The following PPP1R13B variants were observed in gnomAD, a reference collection of about 807,000 sequenced individuals.
PPP1R13B encodes protein phosphatase 1 regulatory subunit 13B.
In PPP1R13B, 44 loss-of-function variants were observed where a neutral mutation model predicts 119.8. The observed-to-expected ratio is 0.37, with a 90% CI of 0.29 to 0.47. The LOEUF (loss-of-function observed/expected upper bound fraction) is 0.47, where lower values mean the gene tolerates loss of function less well. PPP1R13B is among the 20% of genes least tolerant of loss of function. The pLI is 0.99. For synonymous variants in PPP1R13B, 542 were observed against 561.5 expected (o/e 0.97, Z 0.49); for missense variants, 1,227 against 1,413.5 (o/e 0.87, Z 2.12).
In PPP1R13B at chr14:103,739,946, CGTT is replaced by C. The variant is rs1395031518; in HGVS notation, c.2467_2469del (p.Asn823del). ...TGCTCCGTGGTGGGGACCGTGGCCA[CGTT>C]GTTGTTATTGTCCTCTGCCGGCTCG... On this transcript the variant is annotated inframe_deletion, in exon 12 of 17. Transcript: ENST00000202556. The C allele has an allele frequency of 2.0e-5, 32 of 1,613,934 alleles. No homozygotes were observed. Among genetic ancestry groups the C allele is most frequent in the East Asian group, 1.1e-4 (5 of 44,882 alleles).
intron 12 of PPP1R13B, among the ~76,000 whole-genome samples, chr14:103,739,485 C>G (rs1347205905): frequency 6.6e-6 from 1 of 152,230 alleles, no homozygotes. Flanking sequence ...TGACCTCCCA[C>G]CCAGGGCCTT....
chr14:103,836,892 G>GT (rs2086792104), intron 1 of PPP1R13B, among the ~76,000 whole-genome samples: 1 of 152,046 alleles, frequency 6.6e-6, no homozygotes, highest in African/African-American at 2.4e-5. Flanking sequence ...TTTCACATCT[G>GT]TATTTCCCAT....
intron 3 of PPP1R13B, among the ~76,000 whole-genome samples, chr14:103,779,686 G>A (rs2085293737): frequency 1.3e-5 from 2 of 152,048 alleles, no homozygotes; most frequent in Admixed American, 6.6e-5. Context: ...AGCCACTCAC[G>A]AGGCTGAGGA....
intron 4 of PPP1R13B, among the ~76,000 whole-genome samples, chr14:103,769,056 CTT>C (rs2152002006): frequency 6.6e-6 from 1 of 152,150 alleles, no homozygotes; most frequent in African/African-American, 2.4e-5. Flanking sequence ...TTAAATTTGT[CTT>C]TGTTTTACTT....
intron 9 of PPP1R13B, among the ~76,000 whole-genome samples, chr14:103,744,282 G>A (rs757004281): frequency 1.3e-5 from 2 of 152,184 alleles, no homozygotes; most frequent in Non-Finnish European, 2.9e-5. Flanking sequence ...TTATCTTTTA[G>A]TATGATTGTA....
chr14:103,811,091 C>T (rs1394735675), intron 1 of PPP1R13B, among the ~76,000 whole-genome samples: 2 of 111,960 alleles, frequency 1.8e-5, no homozygotes, highest in African/African-American at 7.3e-5. Context: ...TGAGACTCCT[C>T]CTCAAAAAAA....
intron 4 of PPP1R13B, among the ~76,000 whole-genome samples, chr14:103,758,678 C>T (rs530287469): frequency 6.6e-6 from 1 of 152,298 alleles, no homozygotes; most frequent in East Asian, 1.9e-4. Flanking sequence ...CCTAGAGGCA[C>T]GCAGCTCATT....
intron 2 of PPP1R13B, among the ~76,000 whole-genome samples, chr14:103,787,544 C>G (rs1423961924): frequency 6.7e-6 from 1 of 150,144 alleles, no homozygotes; most frequent in African/African-American, 2.4e-5. Context: ...AGGGACTGGG[C>G]GTGGTGGCTT....
chr14:103,751,353 GAACTT>G (rs1307867559), intron 7 of PPP1R13B, among the ~76,000 whole-genome samples: 2 of 152,166 alleles, frequency 1.3e-5, no homozygotes, highest in Non-Finnish European at 2.9e-5. Context: ...TTACGTTAAA[GAACTT>G]AACAGCAACC....
intron 4 of PPP1R13B, among the ~76,000 whole-genome samples, chr14:103,765,986 T>TTTATTATTATTATTATTATTA (rs56171368): frequency 2.2e-5 from 3 of 139,076 alleles, no homozygotes; most frequent in African/African-American, 8.3e-5. Context: ...AAATTTTTAT[T>TTTATTATTATTATTATTATTA]TTATTATTAT....
intron 3 of PPP1R13B, among the ~76,000 whole-genome samples, chr14:103,779,468 A>T (rs1217144922): frequency 6.6e-6 from 1 of 152,038 alleles, no homozygotes; most frequent in Admixed American, 6.6e-5. Context: ...TCAATTAAAA[A>T]TAAAAATTTG....
intron 4 of PPP1R13B, among the ~76,000 whole-genome samples, chr14:103,770,442 G>A (rs2085041438): frequency 6.6e-6 from 1 of 152,100 alleles, no homozygotes; most frequent in African/African-American, 2.4e-5. Context: ...TTGAACCTGG[G>A]AGGCAGAGGT....
At chr14:103,776,858 T>C (rs559559955) in intron 4 of PPP1R13B, among the ~76,000 whole-genome samples, 53 of 148,112 alleles carry the variant, frequency 3.6e-4, no homozygotes, top group African/African-American at 1.0e-3. Context: ...GGCGACAGAG[T>C]GAGACTCTGC....
intron 2 of PPP1R13B, among the ~76,000 whole-genome samples, chr14:103,791,533 T>A (rs1453882120): frequency 1.3e-5 from 2 of 152,174 alleles, no homozygotes; most frequent in African/African-American, 2.4e-5. Flanking sequence ...GAGACCAGCC[T>A]GGCCAACATG....
chr14:103,823,175 A>G (rs2086452254), intron 1 of PPP1R13B, among the ~76,000 whole-genome samples: 1 of 151,910 alleles, frequency 6.6e-6, no homozygotes, highest in East Asian at 1.9e-4. Flanking sequence ...TGTCTCTACT[A>G]AAAATACAAA....
chr14:103,802,421 G>A (rs12432763), intron 1 of PPP1R13B, among the ~76,000 whole-genome samples: 13,906 of 152,050 alleles, frequency 0.091, 778 homozygotes, highest in African/African-American at 0.16. Flanking sequence ...TCCCTTATAT[G>A]CTATTCCTAC....
chr14:103,782,929 C>T (rs529513324), intron 3 of PPP1R13B, among the ~76,000 whole-genome samples: 7 of 151,940 alleles, frequency 4.6e-5, no homozygotes, highest in African/African-American at 9.7e-5. Flanking sequence ...CTCGGCCCCC[C>T]GAGTAGCTGG....
chr14:103,823,646 C>T (rs1171396621), intron 1 of PPP1R13B, among the ~76,000 whole-genome samples: 3 of 152,162 alleles, frequency 2.0e-5, no homozygotes, highest in Non-Finnish European at 4.4e-5. Context: ...ATTATTCAGT[C>T]TAGCAGTCTT....
chr14:103,799,617 G>GTTTTTTTT (rs397762490), intron 1 of PPP1R13B, among the ~76,000 whole-genome samples: 2 of 141,156 alleles, frequency 1.4e-5, no homozygotes, highest in Non-Finnish European at 1.5e-5. Flanking sequence ...CGGGTTTTTT[G>GTTTTTTTT]TTTTTTTTTT....
Sources: allele counts gnomAD v4.1 joint callset (sites outside exome capture counted in the v4.1 genomes callset), GRCh38; gene constraint gnomAD v4.1.1; transcripts MANE v1.5; gene names NCBI Gene and HGNC (gene_info 2026-07-23, HGNC 2026-07-21).